E2F2: variants seen among roughly 807,000 people sequenced by gnomAD.
The protein encoded by E2F2 is transcription factor E2F2.
E2F2 carries 22 observed loss-of-function variants against 42.2 expected under a neutral mutation model. The ratio of observed to expected loss-of-function variants is 0.52; its 90% CI spans 0.37 to 0.74. E2F2 has a LOEUF of 0.74. Ranked by LOEUF, E2F2 falls within the 30% of genes least tolerant of loss-of-function variation. The pLI, the probability that E2F2 is intolerant of heterozygous loss-of-function variation, is 0.00. For missense variants in E2F2, 481 were observed against 557.8 expected, an observed-to-expected ratio of 0.86 and a Z score of 1.39; for synonymous variants, 248 against 251.6, an observed-to-expected ratio of 0.99 and a Z score of 0.13.
In E2F2 at chr1:23,506,779, A is replaced by C. The variant is rs1642804296; in HGVS notation, c.*3101T>G. On this transcript the variant is annotated 3_prime_UTR_variant, in exon 7 of 7. Coordinates refer to ENST00000361729, the MANE Select transcript of E2F2 (RefSeq NM_004091.4). ...TTTCACTTCACATGCGCTAAGCCAC[A>C]CAACACCTGGATGCTGGGGCACCCA... 6.6e-6 allele frequency: 1 copy of C among 152,388 alleles called. No homozygotes were observed. The highest frequency in any genetic ancestry group is 2.4e-5 in the African/African-American group (1 of 41,460). 9.4% of individuals were successfully genotyped at this position (152,388 alleles called of 1,614,324 possible). A position where few individuals can be genotyped will look rare whatever the true frequency, so the allele number is the denominator to read the frequency against.
intron 3 of E2F2, chr1:23,521,635 G>A: frequency 3.0e-6 from 3 of 985,348 alleles, no homozygotes; most frequent in Non-Finnish European, 3.6e-6. Flanking sequence ...GCAGGTACAC[G>A]GCGCTCTTCC....
chr1:23,530,891 C>T lies in E2F2; in HGVS notation c.-98G>A. The T allele has an allele frequency of 7.2e-7, 1 of 1,389,420 alleles. No individual in the cohort carries two copies. The highest frequency in any genetic ancestry group is 9.3e-7 in the Non-Finnish European group (1 of 1,072,090). 86.1% of individuals were successfully genotyped at this position (1,389,420 alleles called of 1,614,324 possible). A position where few individuals can be genotyped will look rare whatever the true frequency, so the allele number is the denominator to read the frequency against. On this transcript the variant is annotated 5_prime_UTR_variant, in exon 1 of 7. Transcript: ENST00000361729. This position sits in a 1 kb window ranked among gnomAD's most constrained non-coding sequence, Gnocchi z 4.4. Reference sequence around the variant, plus strand: ...CTTTCACACGGCCCGCGGCATGGCGCGGAGGCCGGGGGAAGCCGCCAATGG... The same window carrying T: ...CTTTCACACGGCCCGCGGCATGGCGTGGAGGCCGGGGGAAGCCGCCAATGG...
rs1414876513 is a variant in E2F2, at chr1:23,509,996, G to T, written c.1198C>A (p.Leu400Met). ...LSPTLACSSP[L>M]ISFSPSLDQD... ...TCCAAGGATGGGGAGAAGCTGATCA[G>T]AGGGGAGCTGCACGCCAGGGTCGGG... Residue 400 changes from leucine (L) to methionine (M), a missense_variant, in exon 7 of 7, where the codon CTG becomes ATG. Transcript: ENST00000361729. 4 of 1,613,718 alleles carry T rather than the reference G, an allele frequency of 2.5e-6. No homozygotes were observed. The highest frequency in any genetic ancestry group is 3.4e-6 in the Non-Finnish European group (4 of 1,179,928).
intron 6 of E2F2, among the ~76,000 whole-genome samples, chr1:23,513,981 G>A (rs1445644962): frequency 1.3e-5 from 2 of 151,698 alleles, no homozygotes; most frequent in Non-Finnish European, 2.9e-5. Flanking sequence ...AAAATTAGCC[G>A]GGCATGGTGG....
intron 1 of E2F2, among the ~76,000 whole-genome samples, chr1:23,526,433 G>A (rs772177010): frequency 6.6e-6 from 1 of 152,076 alleles, no homozygotes. Flanking sequence ...CCCCCAGCAG[G>A]AGCACCAAGG....
intron 5 of E2F2, among the ~76,000 whole-genome samples, chr1:23,517,248 T>C (rs1643042688): frequency 6.6e-6 from 1 of 152,122 alleles, no homozygotes; most frequent in East Asian, 1.9e-4. Context: ...TATTTGGTCT[T>C]CCCACCCTGT....
intron 4 of E2F2, 192 bp from the exon 5 acceptor site, chr1:23,519,322 G>A: frequency 2.5e-6 from 1 of 398,606 alleles, no homozygotes; most frequent in Non-Finnish European, 4.5e-6. Flanking sequence ...AAAGCAAATG[G>A]GAATATAAAT....
Position 23,521,616 on chromosome 1 carries a change from A to G in E2F2, c.578+221T>C, listed in dbSNP as rs978603329. ...ACTCTGCCCCGCATCACGTTCTCCGATTACTTCAGCAGGTACACGGCGCTC... is the reference window on the plus strand; with the variant it reads ...ACTCTGCCCCGCATCACGTTCTCCGGTTACTTCAGCAGGTACACGGCGCTC... On this transcript the variant is annotated intron_variant, in intron 3 of 6. Transcript: ENST00000361729. The G allele has an allele frequency of 6.1e-6, 6 of 983,314 alleles. No individual in the cohort carries two copies. In the African/African-American group the frequency reaches 1.1e-4, roughly 17 times the overall value. 60.9% of individuals were successfully genotyped at this position (983,314 alleles called of 1,614,324 possible).
At chr1:23,526,719 C>T (rs766484505) in intron 1 of E2F2, among the ~76,000 whole-genome samples, 10 of 152,192 alleles carry the variant, frequency 6.6e-5, no homozygotes, top group Non-Finnish European at 1.2e-4. Flanking sequence ...GGGTTTGAAC[C>T]CAGGCCTGTC....
rs888702265 is a variant in E2F2, at chr1:23,521,742, C to T, written c.578+95G>A. On this transcript the variant is annotated intron_variant, in intron 3 of 6. Transcript: ENST00000361729. ...GCCCATTGGATGTTGCTCTCAGCCC[C>T]GCCCCTGCCACTCACACCCACTGGC... 9 of 1,545,518 alleles carry T rather than the reference C, an allele frequency of 5.8e-6. No homozygotes were observed. The African/African-American group carries it at 1.1e-4, about 19-fold the overall frequency.
chr1:23,521,897 G>T lies in E2F2; in HGVS notation c.518C>A (p.Thr173Asn). 6.2e-7 allele frequency: 1 copy of T among 1,614,164 alleles called. No homozygotes were observed. The highest frequency in any genetic ancestry group is 8.5e-7 in the Non-Finnish European group (1 of 1,180,036). ...GAGCTGGATGCCTTCCAGCACGTTG[G>T]TGATGTCATAGATGCGCCGCTTCTG... is the stretch of plus-strand genomic sequence containing the variant. ...DVQKRRIYDITNVLEGIQLIR... is the reference protein window; with the variant it reads ...DVQKRRIYDINNVLEGIQLIR... Residue 173 changes from threonine (T) to asparagine (N), a missense_variant, in exon 3 of 7, where the codon ACC (threonine) becomes AAC (asparagine). Transcript: ENST00000361729.
chr1:23,523,583 T>TGGCAGAA (rs1435030006), intron 2 of E2F2, among the ~76,000 whole-genome samples: 78 of 152,218 alleles, frequency 5.1e-4, no homozygotes, highest in Non-Finnish European at 5.6e-4. Context: ...GATTAATCTG[T>TGGCAGAA]GCTTCCCTTC....
At chr1:23,516,877 T>C (rs1051282964) in intron 5 of E2F2, among the ~76,000 whole-genome samples, 7 of 151,044 alleles carry the variant, frequency 4.6e-5, no homozygotes, top group African/African-American at 1.7e-4. Flanking sequence ...TGTGACATGA[T>C]TGGTTCAGGA....
intron 1 of E2F2, among the ~76,000 whole-genome samples, chr1:23,526,062 C>T (rs1329311334): frequency 6.6e-6 from 1 of 152,128 alleles, no homozygotes; most frequent in Non-Finnish European, 1.5e-5. Flanking sequence ...AGGAGCCCTG[C>T]TCCTTGGTTT....
chr1:23,526,904 CCTT>C (rs1329301559), intron 1 of E2F2, among the ~76,000 whole-genome samples: 1 of 152,042 alleles, frequency 6.6e-6, no homozygotes, highest in Admixed American at 6.5e-5. Context: ...TTCTCACTCT[CCTT>C]CACCCTTATT....
At chr1:23,505,635 C>T (rs1642783404), downstream of E2F2, among the ~76,000 whole-genome samples, 1 of 152,168 alleles carries the variant, frequency 6.6e-6, no homozygotes, top group Non-Finnish European at 1.5e-5. Context: ...GACTCAGCCT[C>T]CTGAGTAGCT....
chr1:23,515,429 G>A (rs900089000), intron 6 of E2F2, among the ~76,000 whole-genome samples: 2 of 152,180 alleles, frequency 1.3e-5, no homozygotes, highest in Non-Finnish European at 1.5e-5. Context: ...CTTGTGGAGA[G>A]AGCACTGGGC....
At chr1:23,520,792 AC>A in intron 4 of E2F2, 120 bp downstream of exon 4, 1 of 1,083,640 alleles carries the variant, frequency 9.2e-7, no homozygotes, top group Non-Finnish European at 1.2e-6. Context: ...AAGAAAAGCC[AC>A]CCAGGAAGGA....
intron 6 of E2F2, among the ~76,000 whole-genome samples, chr1:23,511,073 A>ACTTCCCTATTACTTCC (rs968791106): frequency 4.0e-5 from 6 of 151,706 alleles, no homozygotes; most frequent in African/African-American, 1.5e-4. Flanking sequence ...CTTCCCTATT[A>ACTTCCCTATTACTTCC]CTATTCTCTC....
Sources: gnomAD v4.1 joint callset for allele counts (sites outside exome capture counted in the v4.1 genomes callset) on GRCh38, gnomAD v4.1.1 for gene constraint, Gnocchi (gnomAD v3.1) non-coding constraint, MANE v1.5 for transcripts, NCBI Gene and HGNC (gene_info 2026-07-23, HGNC 2026-07-21) for gene names.